The following ROBO2 variants were observed in gnomAD, a reference collection of about 807,000 sequenced individuals.
ROBO2 encodes roundabout guidance receptor 2.
ROBO2 carries 53 observed loss-of-function variants against 160.8 expected under a neutral mutation model. That is an observed-to-expected ratio of 0.33 (90% CI 0.26 to 0.41). The LOEUF is 0.41. ROBO2 is among the 10% of genes least tolerant of loss of function. The pLI is 1.00. For synonymous variants in ROBO2, 664 were observed against 611.7 expected, an observed-to-expected ratio of 1.09 and a Z score of -1.26; for missense variants, 1,577 against 1,722.4, an observed-to-expected ratio of 0.92 and a Z score of 1.49.
intron 2 of ROBO2, among the ~76,000 whole-genome samples, chr3:77,304,354 G>A (rs557421135): frequency 6.6e-6 from 1 of 152,298 alleles, no homozygotes; most frequent in East Asian, 1.9e-4. Context: ...CTGAAGGCAC[G>A]GTGCTGTTTT....
chr3:76,704,839 A>G lies in ROBO2; in HGVS notation c.110-393175A>G, dbSNP rs77238232. On this transcript the variant is annotated intron_variant, in intron 2 of 26. Coordinates refer to the ROBO2 transcript ENST00000487694. Reference sequence around the variant, plus strand: ...TCAAGACAAAAACCAGTTCAGCACTACCCTCCTATCTTGGCATAAAGCCTT... The same window carrying G: ...TCAAGACAAAAACCAGTTCAGCACTGCCCTCCTATCTTGGCATAAAGCCTT... Among the ~76,000 whole-genome samples, 1,513 of 152,078 alleles carry G rather than the reference A, an allele frequency of 9.9e-3. 25 individuals are homozygous for G. The highest frequency in any genetic ancestry group is 0.034 in the African/African-American group (1,428 of 41,502).
chr3:77,424,673 T>A (rs1385876847), intron 2 of ROBO2, among the ~76,000 whole-genome samples: 1 of 152,196 alleles, frequency 6.6e-6, no homozygotes, highest in Admixed American at 6.5e-5. Flanking sequence ...GTTGGTTTTA[T>A]CCCCATGAAA....
At chr3:76,882,614 G>C (rs1159892252) in intron 2 of ROBO2, among the ~76,000 whole-genome samples, 2 of 151,712 alleles carry the variant, frequency 1.3e-5, no homozygotes, top group Admixed American at 6.6e-5. Flanking sequence ...ATACTCCCAA[G>C]TAACTAAAAA....
intron 2 of ROBO2, among the ~76,000 whole-genome samples, chr3:76,732,996 G>A (rs1020730531): frequency 7.1e-6 from 1 of 140,560 alleles, no homozygotes; most frequent in Non-Finnish European, 1.5e-5. Context: ...ACTGGGGGTG[G>A]GGGGGGGAGG....
At chr3:76,514,072 T>G (rs1407320847) in intron 2 of ROBO2, among the ~76,000 whole-genome samples, 1 of 152,216 alleles carries the variant, frequency 6.6e-6, no homozygotes, top group Non-Finnish European at 1.5e-5. Context: ...CTAAGTCTCT[T>G]TTAATCTACC....
At chr3:77,275,312 AT>A (rs978971169) in intron 2 of ROBO2, among the ~76,000 whole-genome samples, 3 of 152,188 alleles carry the variant, frequency 2.0e-5, no homozygotes, top group Non-Finnish European at 4.4e-5. Flanking sequence ...ACCTTCTGTC[AT>A]TCAAAACTAT....
At chr3:76,535,041 T>G (rs1171863786) in intron 2 of ROBO2, among the ~76,000 whole-genome samples, 1 of 151,940 alleles carries the variant, frequency 6.6e-6, no homozygotes, top group Non-Finnish European at 1.5e-5. Flanking sequence ...CTGGGTGAGT[T>G]GCTGGGACTG....
intron 2 of ROBO2, among the ~76,000 whole-genome samples, chr3:76,906,038 T>A (rs1264406799): frequency 6.6e-6 from 1 of 152,164 alleles, no homozygotes; most frequent in Non-Finnish European, 1.5e-5. Flanking sequence ...TTTGCATTTG[T>A]TATAGCAACC....
At chr3:75,951,422 C>T (rs1402002400) in intron 2 of ROBO2, among the ~76,000 whole-genome samples, 1 of 152,028 alleles carries the variant, frequency 6.6e-6, no homozygotes, top group Non-Finnish European at 1.5e-5. Flanking sequence ...TCTTTAAACA[C>T]TTCAAAAATG....
At chr3:76,879,758 G>A (rs1039372357) in intron 2 of ROBO2, among the ~76,000 whole-genome samples, 12 of 152,126 alleles carry the variant, frequency 7.9e-5, no homozygotes, top group South Asian at 2.1e-4. Context: ...ATGTTTATTC[G>A]TAGTTAACTT....
intron 24 of ROBO2, among the ~76,000 whole-genome samples, chr3:77,642,136 A>C (rs1032470435): frequency 2.6e-5 from 4 of 152,244 alleles, no homozygotes; most frequent in Non-Finnish European, 5.9e-5. Flanking sequence ...GCATTTAATA[A>C]ATGTTAGTTT....
At chr3:76,295,151 T>C (rs1709002796) in intron 2 of ROBO2, among the ~76,000 whole-genome samples, 1 of 152,178 alleles carries the variant, frequency 6.6e-6, no homozygotes, top group African/African-American at 2.4e-5. Flanking sequence ...TGACTTTGAC[T>C]CCTGTACTCC....
At chr3:77,469,316 G>A (rs2083108125) in intron 2 of ROBO2, among the ~76,000 whole-genome samples, 1 of 152,110 alleles carries the variant, frequency 6.6e-6, no homozygotes, top group African/African-American at 2.4e-5. Context: ...GTTTCATCCT[G>A]AGGATCGGTC....
intron 2 of ROBO2, among the ~76,000 whole-genome samples, chr3:77,284,099 C>G (rs1200269963): frequency 6.6e-6 from 1 of 152,096 alleles, no homozygotes; most frequent in Non-Finnish European, 1.5e-5. Flanking sequence ...GACCTTGTAC[C>G]TGTTTTTGGG....
At chr3:76,829,750 C>T (rs776641283) in intron 2 of ROBO2, among the ~76,000 whole-genome samples, 2 of 151,542 alleles carry the variant, frequency 1.3e-5, no homozygotes, top group South Asian at 2.1e-4. Flanking sequence ...CTCACTGCAA[C>T]CTCTGCCTCC....
At chr3:76,537,572 T>C (rs2082579140) in intron 2 of ROBO2, among the ~76,000 whole-genome samples, 1 of 152,078 alleles carries the variant, frequency 6.6e-6, no homozygotes, top group Non-Finnish European at 1.5e-5. Context: ...TTCCTTGGGC[T>C]GGTCTGAGGA....
At chr3:75,931,416 A>G (rs1348562551) in intron 1 of ROBO2, among the ~76,000 whole-genome samples, 1 of 152,134 alleles carries the variant, frequency 6.6e-6, no homozygotes, top group African/African-American at 2.4e-5. Context: ...CAGTGGCACA[A>G]TCTTGGCTCA....
At chr3:76,848,844 T>C (rs897651656) in intron 2 of ROBO2, among the ~76,000 whole-genome samples, 4 of 152,220 alleles carry the variant, frequency 2.6e-5, no homozygotes, top group African/African-American at 7.2e-5. Context: ...CATACGAATA[T>C]TGGGGGAGAC....
intron 2 of ROBO2, among the ~76,000 whole-genome samples, chr3:76,717,564 T>C (rs955620229): frequency 6.6e-5 from 10 of 151,502 alleles, no homozygotes; most frequent in Admixed American, 2.0e-4. Context: ...TAAATGTGAG[T>C]ATTGTGTATT....
Sources: gnomAD v4.1 joint callset for allele counts (sites outside exome capture counted in the v4.1 genomes callset) on GRCh38, gnomAD v4.1.1 for gene constraint, MANE v1.5 for transcripts, NCBI Gene and HGNC (gene_info 2026-07-23, HGNC 2026-07-21) for gene names.